SLC26A7: variants seen among roughly 807,000 people sequenced by gnomAD.
The protein encoded by SLC26A7 is anion exchange transporter.
In SLC26A7, 59 loss-of-function variants were observed where a neutral mutation model predicts 82.5. That is an observed-to-expected ratio of 0.72 (90% CI 0.58 to 0.89). SLC26A7 has a LOEUF of 0.89. Among genes scored for constraint, SLC26A7 ranks in the 40% least tolerant of loss-of-function variants. The pLI is 0.00. For missense variants in SLC26A7, 820 were observed against 793.0 expected (o/e 1.03, Z -0.41); for synonymous variants, 271 against 274.3 (o/e 0.99, Z 0.12).
Position 91,395,099 on chromosome 8 carries a change from AC to A in SLC26A7, c.*5del, listed in dbSNP as rs1808532815. On this transcript the variant is annotated 3_prime_UTR_variant, in exon 19 of 19. Transcript: ENST00000276609. ...CTCAGTGACCACAGTGAAGTCTGAG[AC>A]CCTTTTGTCACAGTACAGCTCTTGT... The A allele has an allele frequency of 6.2e-7, 1 of 1,613,228 alleles. No individual in the cohort carries two copies. Among genetic ancestry groups the A allele is most frequent in the Non-Finnish European group, 8.5e-7 (1 of 1,179,418 alleles).
intron 4 of SLC26A7, among the ~76,000 whole-genome samples, chr8:91,314,117 A>T (rs1812564323): frequency 6.6e-6 from 1 of 152,192 alleles, no homozygotes; most frequent in South Asian, 2.1e-4. Context: ...TATGAAATTA[A>T]TTTCCTCATG....
chr8:91,222,501 G>T (rs1288894967), intron 2 of SLC26A7, among the ~76,000 whole-genome samples: 1 of 151,714 alleles, frequency 6.6e-6, no homozygotes, highest in Non-Finnish European at 1.5e-5. Flanking sequence ...ATTTGCTGTG[G>T]ATTTGTCTTA....
At chr8:91,250,933 C>T (rs55712991) in intron 2 of SLC26A7, among the ~76,000 whole-genome samples, 7,712 of 152,026 alleles carry the variant, frequency 0.051, 284 homozygotes, top group Non-Finnish European at 0.075. Flanking sequence ...GCATAGTAAT[C>T]TTTCAGAAAA....
At chr8:91,371,367 G>A (rs1189683935) in intron 15 of SLC26A7, among the ~76,000 whole-genome samples, 1 of 151,790 alleles carries the variant, frequency 6.6e-6, no homozygotes, top group Non-Finnish European at 1.5e-5. Flanking sequence ...CCAATAAGTA[G>A]TTTTTCAACT....
At chr8:91,338,530 T>C (rs988090280) in intron 7 of SLC26A7, among the ~76,000 whole-genome samples, 8 of 152,212 alleles carry the variant, frequency 5.3e-5, no homozygotes, top group Non-Finnish European at 1.2e-4. Context: ...ATGAGAGTTA[T>C]GATCTGGGAT....
chr8:91,376,495 C>G (rs1283927631), intron 15 of SLC26A7, among the ~76,000 whole-genome samples: 4 of 152,084 alleles, frequency 2.6e-5, no homozygotes, highest in African/African-American at 9.7e-5. Flanking sequence ...TGCATGAGTT[C>G]CTTGGTTGTG....
At chr8:91,249,993 A>G in intron 2 of SLC26A7, 149 bp downstream of exon 2, 1 of 578,012 alleles carries the variant, frequency 1.7e-6, no homozygotes, top group Non-Finnish European at 2.7e-6. Context: ...TATTTGGAGA[A>G]GAGTTTTCCT....
At chr8:91,328,196 G>C (rs1352802539) in intron 5 of SLC26A7, among the ~76,000 whole-genome samples, 2 of 151,980 alleles carry the variant, frequency 1.3e-5, no homozygotes, top group Non-Finnish European at 2.9e-5. Context: ...TCCTGCATAG[G>C]TATTTCTTTA....
chr8:91,271,140 T>G (rs957047185), intron 2 of SLC26A7, among the ~76,000 whole-genome samples: 1 of 152,194 alleles, frequency 6.6e-6, no homozygotes, highest in African/African-American at 2.4e-5. Flanking sequence ...AAATATTATT[T>G]TTCTCACTGG....
chr8:91,361,561 A>G (rs1814050508), intron 11 of SLC26A7, among the ~76,000 whole-genome samples: 1 of 152,178 alleles, frequency 6.6e-6, no homozygotes, highest in Non-Finnish European at 1.5e-5. Flanking sequence ...ATTTAGTGTT[A>G]AGAAAATATA....
intron 2 of SLC26A7, among the ~76,000 whole-genome samples, chr8:91,279,423 A>G (rs1419155929): frequency 6.6e-6 from 1 of 152,090 alleles, no homozygotes; most frequent in Non-Finnish European, 1.5e-5. Context: ...AACAGCATAC[A>G]TGGCTTTCCT....
intron 11 of SLC26A7, among the ~76,000 whole-genome samples, chr8:91,361,992 CT>C (rs531871804): frequency 3.3e-5 from 5 of 152,064 alleles, no homozygotes; most frequent in Non-Finnish European, 5.9e-5. Context: ...TACACAATTG[CT>C]TGTAATAATA....
intron 13 of SLC26A7, among the ~76,000 whole-genome samples, chr8:91,364,754 T>C (rs1814144159): frequency 6.6e-6 from 1 of 152,216 alleles, no homozygotes; most frequent in South Asian, 2.1e-4. Context: ...GGGCTAAACA[T>C]GTACAGAAGT....
intron 15 of SLC26A7, among the ~76,000 whole-genome samples, chr8:91,370,086 CTCTT>C (rs1443904267): frequency 6.6e-6 from 1 of 152,014 alleles, no homozygotes; most frequent in Non-Finnish European, 1.5e-5. Context: ...CTTCTCCCTT[CTCTT>C]TCTTTCTCCC....
chr8:91,239,309 A>G (rs1174995896), intron 2 of SLC26A7, among the ~76,000 whole-genome samples: 2 of 148,874 alleles, frequency 1.3e-5, no homozygotes, highest in East Asian at 4.0e-4. Flanking sequence ...GGCGGAGCTC[A>G]CAGTGAGCCG....
At chr8:91,294,116 T>C (rs1260172464) in intron 3 of SLC26A7, among the ~76,000 whole-genome samples, 1 of 152,242 alleles carries the variant, frequency 6.6e-6, no homozygotes, top group African/African-American at 2.4e-5. Context: ...TCTGTATTTA[T>C]GTACCACCAA....
intron 10 of SLC26A7, among the ~76,000 whole-genome samples, chr8:91,352,361 A>C (rs1318094603): frequency 6.6e-6 from 1 of 152,072 alleles, no homozygotes; most frequent in Non-Finnish European, 1.5e-5. Flanking sequence ...AATGCAAAAC[A>C]CTGGGCTTAT....
chr8:91,223,501 G>T (rs181262597), intron 2 of SLC26A7, among the ~76,000 whole-genome samples: 90 of 152,250 alleles, frequency 5.9e-4, no homozygotes, highest in African/African-American at 1.9e-3. Context: ...CACTGCTTTA[G>T]CTGTGTCCCA....
intron 4 of SLC26A7, among the ~76,000 whole-genome samples, chr8:91,309,328 A>C (rs1054423834): frequency 6.6e-5 from 10 of 151,534 alleles, no homozygotes; most frequent in African/African-American, 2.4e-4. Context: ...TGCCTATATT[A>C]AGTTAAACAT....
Sources: allele counts gnomAD v4.1 joint callset (sites outside exome capture counted in the v4.1 genomes callset), GRCh38; gene constraint gnomAD v4.1.1; transcripts MANE v1.5; gene names NCBI Gene and HGNC (gene_info 2026-07-23, HGNC 2026-07-21).